EBF1: variants seen among roughly 807,000 people sequenced by gnomAD.
The protein encoded by EBF1 is transcription factor COE1.
In EBF1, 10 loss-of-function variants were observed where a neutral mutation model predicts 68.4. The observed-to-expected ratio is 0.15, with a 90% CI of 0.09 to 0.25. The LOEUF (loss-of-function observed/expected upper bound fraction) is 0.25. Ranked by LOEUF, EBF1 falls within the 10% of genes least tolerant of loss-of-function variation. EBF1 has a pLI of 1.00. For missense variants in EBF1, 509 were observed against 794.4 expected, an observed-to-expected ratio of 0.64 and a Z score of 4.32; for synonymous variants, 298 against 299.8, an observed-to-expected ratio of 0.99 and a Z score of 0.06.
intron 6 of EBF1, among the ~76,000 whole-genome samples, chr5:158,843,211 C>G (rs1033726857): frequency 2.0e-5 from 3 of 152,070 alleles, no homozygotes; most frequent in Admixed American, 6.6e-5. Context: ...CCATTTGAGC[C>G]CAGACAAGAC....
intron 10 of EBF1, among the ~76,000 whole-genome samples, chr5:158,769,792 C>T (rs2127649346): frequency 6.6e-6 from 1 of 152,092 alleles, no homozygotes; most frequent in African/African-American, 2.4e-5. Context: ...ATAAACACTC[C>T]CTCTGCCTTG....
At chr5:158,835,389 C>T (rs187035778) in intron 7 of EBF1, among the ~76,000 whole-genome samples, 1 of 152,130 alleles carries the variant, frequency 6.6e-6, no homozygotes, top group African/African-American at 2.4e-5. Flanking sequence ...TTTCTAAAGT[C>T]CCTGCAAGTA....
intron 8 of EBF1, among the ~76,000 whole-genome samples, chr5:158,813,169 ACTTTTT>A (rs1783028376): frequency 6.6e-6 from 1 of 152,128 alleles, no homozygotes; most frequent in Admixed American, 6.6e-5. Flanking sequence ...GTTTAGATCA[ACTTTTT>A]CTTTAACTTT....
At chr5:158,897,708 C>T (rs1445804430) in intron 6 of EBF1, among the ~76,000 whole-genome samples, 1 of 152,150 alleles carries the variant, frequency 6.6e-6, no homozygotes, top group Non-Finnish European at 1.5e-5. Context: ...TAGAAGCCAC[C>T]ATCCAATGGC....
chr5:159,094,576 A>G (rs958577939), intron 4 of EBF1, among the ~76,000 whole-genome samples: 1 of 152,204 alleles, frequency 6.6e-6, no homozygotes, highest in South Asian at 2.1e-4. Flanking sequence ...ATATGCATAT[A>G]TACCCTAATT....
At chr5:158,978,832 AC>A (rs1757331207) in intron 6 of EBF1, among the ~76,000 whole-genome samples, 2 of 149,520 alleles carry the variant, frequency 1.3e-5, no homozygotes, top group African/African-American at 2.5e-5. Context: ...ACACACACAC[AC>A]ACAGAGAGAG....
chr5:158,777,874 C>T lies in EBF1; in HGVS notation c.910-335G>A, dbSNP rs559173073. ...CACCCAAATCAGAGCCGAGCTTTGC[C>T]GTGACTCTCCAGAAGCTGATGGGCC... On this transcript the variant is annotated intron_variant, in intron 9 of 15. Transcript: ENST00000313708. Among the ~76,000 whole-genome samples the T allele has an allele frequency of 4.6e-5, 7 of 152,186 alleles. No individual in the cohort carries two copies. In the South Asian group the frequency reaches 1.0e-3, roughly 23 times the overall value.
intron 6 of EBF1, among the ~76,000 whole-genome samples, chr5:158,925,095 G>A (rs914855497): frequency 1.3e-5 from 2 of 152,062 alleles, no homozygotes; most frequent in African/African-American, 4.8e-5. Flanking sequence ...TGTTCCCACT[G>A]CCTGAAATAG....
rs577599777 is a variant in EBF1, at chr5:159,046,290, A to C, written c.554+27106T>G. 1.8e-3 allele frequency among the ~76,000 whole-genome samples: 278 copies of C among 152,314 alleles called. 2 individuals carry two copies. The highest frequency in any genetic ancestry group is 3.4e-3 in the Middle Eastern group (1 of 294). On this transcript the variant is annotated intron_variant, in intron 6 of 15. Transcript: ENST00000313708. Reference sequence around the variant, plus strand: ...GGTAGAAAATGTCTGTTTCACTAGCATATGAGCAATAGCATCTCCCACAAA... The same window carrying C: ...GGTAGAAAATGTCTGTTTCACTAGCCTATGAGCAATAGCATCTCCCACAAA...
At chr5:158,981,710 G>T (rs1033666195) in intron 6 of EBF1, among the ~76,000 whole-genome samples, 1 of 152,010 alleles carries the variant, frequency 6.6e-6, no homozygotes, top group Non-Finnish European at 1.5e-5. Flanking sequence ...TATGTTGTTG[G>T]TTGTGCACAT....
At chr5:158,907,868 G>C (rs78602170) in intron 6 of EBF1, among the ~76,000 whole-genome samples, 2,972 of 152,038 alleles carry the variant, frequency 0.02, 104 homozygotes, top group African/African-American at 0.068. Context: ...GTATGCAGTA[G>C]CTTCTAGAAA....
intron 6 of EBF1, among the ~76,000 whole-genome samples, chr5:158,928,653 G>A (rs1317805002): frequency 2.6e-5 from 4 of 152,174 alleles, no homozygotes; most frequent in Non-Finnish European, 2.9e-5. Flanking sequence ...CTTTCAAGCC[G>A]CTTAAGTGGG....
intron 10 of EBF1, among the ~76,000 whole-genome samples, chr5:158,764,798 C>A (rs369756894): frequency 6.6e-6 from 1 of 152,160 alleles, no homozygotes; most frequent in East Asian, 1.9e-4. Context: ...GTATAAAAAT[C>A]TAAGATATTG....
intron 8 of EBF1, among the ~76,000 whole-genome samples, chr5:158,797,218 G>A (rs1581972960): frequency 1.3e-5 from 2 of 152,106 alleles, no homozygotes; most frequent in Admixed American, 6.5e-5. Flanking sequence ...AATGGCCCTT[G>A]GAGATGGGAA....
chr5:158,701,476 G>A (rs1301373033), intron 15 of EBF1, among the ~76,000 whole-genome samples: 1 of 152,154 alleles, frequency 6.6e-6, no homozygotes, highest in Admixed American at 6.5e-5. Context: ...GCTAACTGAT[G>A]TACCAGTTCA....
chr5:158,837,224 G>A (rs960667100), intron 7 of EBF1, among the ~76,000 whole-genome samples: 2 of 152,172 alleles, frequency 1.3e-5, no homozygotes, highest in African/African-American at 4.8e-5. Flanking sequence ...GGAGGGTAGA[G>A]GCCAGTGACA....
At chr5:158,766,528 G>C (rs1285723315) in intron 10 of EBF1, among the ~76,000 whole-genome samples, 2 of 152,090 alleles carry the variant, frequency 1.3e-5, no homozygotes, top group Admixed American at 6.6e-5. Context: ...TAATGTATTG[G>C]TATCTATAAA....
At chr5:158,910,787 T>C (rs770346117) in intron 6 of EBF1, among the ~76,000 whole-genome samples, 4 of 152,152 alleles carry the variant, frequency 2.6e-5, no homozygotes, top group Non-Finnish European at 2.9e-5. Context: ...TCTTGGAAAG[T>C]ATTAGGACAC....
chr5:158,843,008 G>A (rs982973583), intron 6 of EBF1, among the ~76,000 whole-genome samples: 8 of 152,118 alleles, frequency 5.3e-5, no homozygotes, highest in African/African-American at 7.2e-5. Flanking sequence ...GATAGCAATC[G>A]TACTGTAACA....
Sources: allele counts gnomAD v4.1 joint callset (sites outside exome capture counted in the v4.1 genomes callset), GRCh38; gene constraint gnomAD v4.1.1; transcripts MANE v1.5; gene names NCBI Gene and HGNC (gene_info 2026-07-23, HGNC 2026-07-21).